ZBED6: variants seen among roughly 807,000 people sequenced by gnomAD.
The protein encoded by ZBED6 is zinc finger BED domain-containing protein 6.
Under a neutral mutation model 58.4 loss-of-function variants are expected in ZBED6, and 40 were observed. That is an observed-to-expected ratio of 0.68 (90% CI 0.53 to 0.89). The LOEUF (loss-of-function observed/expected upper bound fraction) is 0.89, where lower values mean the gene tolerates loss of function less well. Among genes scored for constraint, ZBED6 ranks in the 40% least tolerant of loss-of-function variants. The pLI, the probability that ZBED6 is intolerant of heterozygous loss-of-function variation, is 0.00. For missense variants in ZBED6, 1,057 were observed against 1,003.9 expected, an observed-to-expected ratio of 1.05 and a Z score of -0.71; for synonymous variants, 439 against 350.6, an observed-to-expected ratio of 1.25 and a Z score of -2.82.
rs6702578 is a variant in ZBED6, at chr1:203,845,978, T to C, written c.*3742-1206T>C. On this transcript the variant is annotated intron_variant, in intron 11 of 16. Coordinates refer to ENST00000550078, the Ensembl canonical transcript of ZBED6. The stretch of plus-strand genomic sequence containing the variant: ...GTTTGGAAAGTGAGACAGAACACAG[T>C]ATATTTTAAGATTTCAGACTGGGTA... Among the ~76,000 whole-genome samples, 651 of 151,856 alleles carry C rather than the reference T, an allele frequency of 4.3e-3. 7 individuals carry two copies. Among genetic ancestry groups the C allele is most frequent in the African/African-American group, 0.015 (621 of 41,408 alleles).
At chr1:203,828,600 A>G (rs1205428303) in intron 4 of ZBED6, among the ~76,000 whole-genome samples, 178 bp downstream of exon 4, 1 of 152,226 alleles carries the variant, frequency 6.6e-6, no homozygotes, top group Non-Finnish European at 1.5e-5. Context: ...TTGGCCTTAG[A>G]ACCATTATAT....
rs913506689 is a variant in ZBED6, at chr1:203,799,007, T to G, written c.1485T>G (p.Tyr495Ter). The G allele has an allele frequency of 2.6e-6, 4 of 1,536,184 alleles. No homozygotes were observed. Among genetic ancestry groups the G allele is most frequent in the Non-Finnish European group, 3.5e-6 (4 of 1,146,916 alleles). ...GGACCCATGACCCATCCACTGACTA[T>G]TTTATTGTGACTGTACACTGGGTTT... Residue 495 changes from tyrosine to a stop codon, truncating the protein, a stop_gained, in exon 1 of 17, where the codon TAT becomes TAG. Coordinates refer to ENST00000550078, the Ensembl canonical transcript of ZBED6. LOFTEE classifies it high-confidence loss of function.
exon 1 of ZBED6, chr1:203,797,480 C>A: frequency 2.8e-6 from 4 of 1,447,266 alleles, no homozygotes; most frequent in Non-Finnish European, 3.6e-6. Flanking sequence ...GAGTAATAAA[C>A]CCACTAACAG....
At chr1:203,805,966 G>C in intron 1 of ZBED6, 1 of 608,422 alleles carries the variant, frequency 1.6e-6, no homozygotes, top group South Asian at 1.4e-5. Context: ...CGTGGTCTTG[G>C]TATCCTTCAA....
At position 203,805,538 on chromosome 1, in the gene ZBED6, G is replaced by A. The variant is rs141433299; in HGVS notation, c.*2554+2522G>A. ...TTTCCTTCAAAGAAAGGACAGAAACGTATCTGTTACGGTAAATTTGGAAAG... is the reference window on the plus strand; with the variant it reads ...TTTCCTTCAAAGAAAGGACAGAAACATATCTGTTACGGTAAATTTGGAAAG... On this transcript the variant is annotated intron_variant, in intron 1 of 16. Coordinates refer to ENST00000550078, the Ensembl canonical transcript of ZBED6. 417 of 550,824 alleles carry A rather than the reference G, an allele frequency of 7.6e-4. 1 individual carries two copies. The highest frequency in any genetic ancestry group is 5.7e-3 in the African/African-American group (306 of 53,290). 34.1% of individuals were successfully genotyped at this position (550,824 alleles called of 1,614,324 possible).
intron 1 of ZBED6, among the ~76,000 whole-genome samples, chr1:203,808,471 G>T (rs1296561580): frequency 1.3e-5 from 2 of 152,112 alleles, no homozygotes; most frequent in Non-Finnish European, 2.9e-5. Context: ...CCCCTTTAAT[G>T]TAAAGACTCA....
chr1:203,832,809 G>A (rs1682826923), intron 8 of ZBED6, among the ~76,000 whole-genome samples: 1 of 152,228 alleles, frequency 6.6e-6, no homozygotes, highest in African/African-American at 2.4e-5. Context: ...AGTTATATTG[G>A]ACAGTTAACA....
chr1:203,807,341 A>C (rs1229328570), intron 1 of ZBED6, among the ~76,000 whole-genome samples: 1 of 152,206 alleles, frequency 6.6e-6, no homozygotes, highest in Non-Finnish European at 1.5e-5. Flanking sequence ...GTTGGAATAC[A>C]GTGATGTGAT....
At chr1:203,831,754 C>T (rs1264893225) in exon 8 of ZBED6, 6 of 1,611,966 alleles carry the variant, frequency 3.7e-6, no homozygotes, top group Non-Finnish European at 5.1e-6. Flanking sequence ...AGGACAGTAA[C>T]TCTCTCCACC....
rs576839538 is a variant in ZBED6 at position 203,827,542 on chromosome 1, T to G, written c.*2874-757T>G. Among the ~76,000 whole-genome samples, 13 of 151,782 alleles carry G rather than the reference T, an allele frequency of 8.6e-5. No individual in the cohort carries two copies. The South Asian group carries it at 2.7e-3, about 32-fold the overall frequency. ...AAAAATACAAAAAAAATTAGCCGAG[T>G]GTGGTGGCAGGCACCTGTAGTCCCA... On this transcript the variant is annotated intron_variant, in intron 3 of 16. Coordinates refer to ENST00000550078, the Ensembl canonical transcript of ZBED6.
exon 2 of ZBED6, chr1:203,817,067 C>G (rs770615571): frequency 1.2e-6 from 2 of 1,606,770 alleles, no homozygotes; most frequent in Non-Finnish European, 1.7e-6. Flanking sequence ...AGAATCTACC[C>G]AGCATGCCTA....
At chr1:203,849,509 G>T (rs2103439755) in intron 13 of ZBED6, among the ~76,000 whole-genome samples, 1 of 152,234 alleles carries the variant, frequency 6.6e-6, no homozygotes, top group South Asian at 2.1e-4. Flanking sequence ...TGGAATCTGG[G>T]TTTTTTATTA....
At chr1:203,852,642 A>G (rs1370536191) in exon 17 of ZBED6, 9 of 514,766 alleles carry the variant, frequency 1.7e-5, no homozygotes, top group Non-Finnish European at 3.1e-5. Flanking sequence ...AAGTTCTGTC[A>G]TACCCTTCTC....
chr1:203,820,695 G>T (rs1448556333), intron 3 of ZBED6, among the ~76,000 whole-genome samples: 7 of 152,030 alleles, frequency 4.6e-5, no homozygotes, highest in Admixed American at 4.6e-4. Flanking sequence ...GGCCAGGCTG[G>T]TCTCGAATTG....
intron 11 of ZBED6, among the ~76,000 whole-genome samples, chr1:203,843,739 G>A (rs1335392794): frequency 1.3e-5 from 2 of 152,120 alleles, no homozygotes; most frequent in African/African-American, 2.4e-5. Flanking sequence ...GGCTGATTTG[G>A]GGCCAGCCTT....
At chr1:203,815,131 T>A (rs1675820995) in intron 1 of ZBED6, among the ~76,000 whole-genome samples, 1 of 151,360 alleles carries the variant, frequency 6.6e-6, no homozygotes. Context: ...TGCCTGGCCA[T>A]ATATCATAAT....
At chr1:203,814,199 C>G (rs556206507) in intron 1 of ZBED6, among the ~76,000 whole-genome samples, 1 of 152,120 alleles carries the variant, frequency 6.6e-6, no homozygotes, top group Non-Finnish European at 1.5e-5. Context: ...CCAACACAAC[C>G]CAATTCTAAG....
exon 1 of ZBED6, chr1:203,799,972 C>T: frequency 6.5e-7 from 1 of 1,536,146 alleles, no homozygotes; most frequent in East Asian, 2.4e-5. Context: ...ACTTCAGAAG[C>T]TTCTTGTCCC....
chr1:203,823,431 T>C (rs540203731), intron 3 of ZBED6, among the ~76,000 whole-genome samples: 16 of 152,346 alleles, frequency 1.1e-4, no homozygotes, highest in South Asian at 2.1e-4. Context: ...GTGCTAGCCA[T>C]ATAAGCACTC....
Sources: allele counts gnomAD v4.1 joint callset (sites outside exome capture counted in the v4.1 genomes callset), GRCh38; gene constraint gnomAD v4.1.1; transcripts MANE v1.5; gene names NCBI Gene and HGNC (gene_info 2026-07-23, HGNC 2026-07-21).